The following SPCS2 variants were observed in gnomAD, a reference collection of about 807,000 sequenced individuals.
The protein encoded by SPCS2 is signal peptidase complex subunit 2.
Under a neutral mutation model 22.3 loss-of-function variants are expected in SPCS2, and 3 were observed. The observed-to-expected ratio is 0.13, with a 90% CI of 0.06 to 0.35. The LOEUF (loss-of-function observed/expected upper bound fraction) is 0.35, where lower values mean the gene tolerates loss of function less well. SPCS2 is among the 10% of genes least tolerant of loss of function. SPCS2 has a pLI of 1.00. For synonymous variants in SPCS2, 67 were observed against 97.2 expected, an observed-to-expected ratio of 0.69 and a Z score of 1.83; for missense variants, 169 against 280.9, an observed-to-expected ratio of 0.60 and a Z score of 2.85.
chr11:74,955,855 T>A (rs1288734008), intron 1 of SPCS2, among the ~76,000 whole-genome samples: 4 of 77,450 alleles, frequency 5.2e-5, no homozygotes, highest in South Asian at 7.1e-4. Context: ...AATTAAAATA[T>A]ATATATATAT....
At position 74,952,793 on chromosome 11, in the gene SPCS2, T is replaced by C. The variant is rs375169604; in HGVS notation, c.114+3394T>C. ...CCAATAAGTGAGGGACAGAAGAGAATAGTCAAGAGCTGCTTGAGTGCCTTT... is the reference window on the plus strand; with the variant it reads ...CCAATAAGTGAGGGACAGAAGAGAACAGTCAAGAGCTGCTTGAGTGCCTTT... On this transcript the variant is annotated intron_variant, in intron 1 of 4. Transcript: ENST00000263672. Among the ~76,000 whole-genome samples, 3 of 152,312 alleles carry C rather than the reference T, an allele frequency of 2.0e-5. No homozygotes were observed. The East Asian group carries it at 5.8e-4, about 29-fold the overall frequency.
chr11:74,956,991 G>A (rs1948482831), intron 1 of SPCS2, among the ~76,000 whole-genome samples: 1 of 151,810 alleles, frequency 6.6e-6, no homozygotes, highest in Admixed American at 6.6e-5. Context: ...CTATTTTTTA[G>A]TCTTTTTAAA....
intron 3 of SPCS2, among the ~76,000 whole-genome samples, chr11:74,966,515 A>G (rs1413868388): frequency 1.3e-5 from 2 of 152,226 alleles, no homozygotes; most frequent in Admixed American, 1.3e-4. Flanking sequence ...CCACTCATTT[A>G]TAAATATGGG....
chr11:74,968,242 C>T (rs1165906123), intron 3 of SPCS2: 2 of 152,192 alleles, frequency 1.3e-5, no homozygotes, highest in Non-Finnish European at 2.9e-5. Flanking sequence ...TAGGGCCATG[C>T]TAACCTCTGT....
intron 1 of SPCS2, among the ~76,000 whole-genome samples, chr11:74,955,887 T>TGC (rs1555115677): frequency 2.3e-5 from 3 of 132,802 alleles, no homozygotes; most frequent in Non-Finnish European, 4.8e-5. Flanking sequence ...TATATATATA[T>TGC]CTGCCTGCCT....
chr11:74,971,173 A>G (rs1431861148), intron 4 of SPCS2, among the ~76,000 whole-genome samples: 7 of 152,206 alleles, frequency 4.6e-5, no homozygotes, highest in Admixed American at 4.6e-4. Context: ...ACTGCACACA[A>G]GGTTCGTTCA....
intron 4 of SPCS2, among the ~76,000 whole-genome samples, chr11:74,970,328 T>C (rs1358482652): frequency 6.6e-6 from 1 of 152,230 alleles, no homozygotes; most frequent in African/African-American, 2.4e-5. Flanking sequence ...AGCAAATGTT[T>C]ATTGAACATT....
At position 74,969,679 on chromosome 11, in the gene SPCS2, G is replaced by T; in HGVS notation, c.474G>T (p.Gln158His). The change falls in exon 4 of 5, where the codon CAG becomes CAT. Residue 158 changes from glutamine to histidine, a missense_variant. By Grantham distance (24) the Gln-to-His change is conservative (BLOSUM62 0). This residue lies in a region of SPCS2 where 118 missense variants were observed against 243.1 expected (regional missense o/e 0.49). Coordinates refer to ENST00000263672, the MANE Select transcript of SPCS2 (RefSeq NM_014752.3). The part of the protein sequence containing the change: ...PTGMDPDDIW[Q>H]LSSSLKRFDD... ...GAATGGATCCTGATGATATTTGGCA[G>T]CTGTCCTCCAGTCTTAAAAGGTATG... 1 of 1,613,690 alleles carries T rather than the reference G, an allele frequency of 6.2e-7. No individual in the cohort carries two copies.
intron 1 of SPCS2, chr11:74,963,546 T>C (rs1184209006): frequency 2.6e-6 from 1 of 392,086 alleles, no homozygotes; most frequent in Non-Finnish European, 4.9e-6. Context: ...TATTTTTTAT[T>C]GTTTGTTTGT....
At chr11:74,960,224 C>T (rs117884405) in intron 1 of SPCS2, among the ~76,000 whole-genome samples, 164 of 152,244 alleles carry the variant, frequency 1.1e-3, no homozygotes, top group Non-Finnish European at 1.9e-3. Flanking sequence ...CCCAGCTACT[C>T]GGGAGGCTGA....
intron 1 of SPCS2, among the ~76,000 whole-genome samples, chr11:74,957,561 G>A (rs773065203): frequency 1.3e-5 from 2 of 152,182 alleles, no homozygotes; most frequent in Admixed American, 1.3e-4. Context: ...TTCCTTGGCA[G>A]CATCCCTCTC....
chr11:74,969,768 A>G (rs1390333086), intron 4 of SPCS2, 69 bp downstream of exon 4: 1 of 1,571,104 alleles, frequency 6.4e-7, no homozygotes, highest in African/African-American at 1.4e-5. Flanking sequence ...CATTATCAAC[A>G]GAAGACTTAT....
chr11:74,970,249 T>C (rs191853821), intron 4 of SPCS2, among the ~76,000 whole-genome samples: 1 of 152,346 alleles, frequency 6.6e-6, no homozygotes, highest in Admixed American at 6.5e-5. Flanking sequence ...ATATAAATTA[T>C]CTGAGGTTTA....
intron 2 of SPCS2, 53 bp downstream of exon 2, chr11:74,965,170 T>C: frequency 1.7e-6 from 2 of 1,178,462 alleles, no homozygotes; most frequent in African/African-American, 1.6e-5. Flanking sequence ...TGGCCATCTC[T>C]CCTGGGAAAT....
At chr11:74,967,549 A>T (rs182425657) in intron 3 of SPCS2, among the ~76,000 whole-genome samples, 1 of 152,326 alleles carries the variant, frequency 6.6e-6, no homozygotes, top group East Asian at 1.9e-4. Flanking sequence ...CAAGAGTTCA[A>T]GGCCAGCCTG....
intron 1 of SPCS2, among the ~76,000 whole-genome samples, chr11:74,959,054 C>A (rs1948495549): frequency 6.6e-6 from 1 of 152,222 alleles, no homozygotes; most frequent in African/African-American, 2.4e-5. Flanking sequence ...TCTCCTACTA[C>A]TTTCCCCCTT....
At position 74,969,480 on chromosome 11, in the gene SPCS2, T is replaced by TA. The variant is rs1417196302; in HGVS notation, c.360-84dup. On this transcript the variant is annotated intron_variant, in intron 3 of 4. Coordinates refer to ENST00000263672, the MANE Select transcript of SPCS2 (RefSeq NM_014752.3). Reference sequence around the variant, plus strand: ...AAGCTGTCTTCTTTAGGACTATCATTATGAAAGTTTTTATATCTGTTGCTT... The same window carrying TA: ...AAGCTGTCTTCTTTAGGACTATCATTAATGAAAGTTTTTATATCTGTTGCTT... 30 of 1,316,382 alleles carry TA rather than the reference T, an allele frequency of 2.3e-5. No individual in the cohort carries two copies. The African/African-American group carries it at 4.1e-4, about 18-fold the overall frequency. 81.5% of individuals were successfully genotyped at this position (1,316,382 alleles called of 1,614,324 possible).
intron 4 of SPCS2, among the ~76,000 whole-genome samples, chr11:74,971,510 C>T (rs1302532088): frequency 3.3e-5 from 5 of 152,072 alleles, no homozygotes; most frequent in Non-Finnish European, 7.4e-5. Flanking sequence ...TGATTTTTAC[C>T]AACTGCCGTA....
intron 4 of SPCS2, among the ~76,000 whole-genome samples, chr11:74,972,623 C>G (rs1948591190): frequency 6.6e-6 from 1 of 151,928 alleles, no homozygotes; most frequent in Non-Finnish European, 1.5e-5. Context: ...TGGGCTGCAG[C>G]CTTGACCTCC....
Sources: allele counts gnomAD v4.1 joint callset (sites outside exome capture counted in the v4.1 genomes callset), GRCh38; gene constraint gnomAD v4.1.1; regional missense constraint gnomAD v4.1.1; transcripts MANE v1.5; gene names NCBI Gene and HGNC (gene_info 2026-07-23, HGNC 2026-07-21).